Variants in CSMD1 observed in about 807,000 individuals in gnomAD.
CSMD1 encodes the protein CUB and sushi domain-containing protein 1.
CSMD1 carries 213 observed loss-of-function variants against 417.5 expected under a neutral mutation model. The ratio of observed to expected loss-of-function variants is 0.51; its 90% CI spans 0.46 to 0.57. The LOEUF is 0.57. Among genes scored for constraint, CSMD1 ranks in the 20% least tolerant of loss-of-function variants. The pLI, the probability that CSMD1 is intolerant of heterozygous loss-of-function variation, is 0.00. For missense variants in CSMD1, 6,923 were observed against 4,529.7 expected (o/e 1.53, Z -15.17); for synonymous variants, 2,862 against 1,736.8 (o/e 1.65, Z -16.11).
intron 12 of CSMD1, among the ~76,000 whole-genome samples, chr8:3,423,119 A>G (rs1305606251): frequency 5.3e-5 from 8 of 152,226 alleles, no homozygotes; most frequent in Non-Finnish European, 1.0e-4. Context: ...ATTATTACTC[A>G]TCATAGTTCA....
intron 2 of CSMD1, among the ~76,000 whole-genome samples, chr8:4,628,224 T>G (rs569480057): frequency 8.5e-4 from 129 of 151,534 alleles, no homozygotes; most frequent in Non-Finnish European, 1.3e-3. Flanking sequence ...GTTCTAAAAG[T>G]GCATCTTATA....
intron 5 of CSMD1, among the ~76,000 whole-genome samples, chr8:3,796,639 T>C (rs1209418350): frequency 2.0e-5 from 3 of 149,174 alleles, no homozygotes; most frequent in Admixed American, 6.7e-5. Context: ...TTCTAATGTA[T>C]AGATATAGAT....
At chr8:3,680,717 C>G (rs551627868) in intron 7 of CSMD1, among the ~76,000 whole-genome samples, 1 of 152,120 alleles carries the variant, frequency 6.6e-6, no homozygotes. Flanking sequence ...ATACCAAAGC[C>G]GGGCAGAGAC....
intron 3 of CSMD1, among the ~76,000 whole-genome samples, chr8:4,338,327 G>A (rs1302618710): frequency 6.6e-6 from 1 of 152,116 alleles, no homozygotes; most frequent in Non-Finnish European, 1.5e-5. Flanking sequence ...TACCTCGTAT[G>A]TGATCTGTTC....
At chr8:3,503,833 G>GCC (rs1265240238) in intron 10 of CSMD1, among the ~76,000 whole-genome samples, 1 of 69,658 alleles carries the variant, frequency 1.4e-5, no homozygotes, top group Non-Finnish European at 3.3e-5. Context: ...ATCCCCCCTT[G>GCC]CCCCCCCCCA....
intron 3 of CSMD1, among the ~76,000 whole-genome samples, chr8:4,410,260 CCATTT>C (rs1796576341): frequency 6.6e-6 from 1 of 152,180 alleles, no homozygotes; most frequent in African/African-American, 2.4e-5. Flanking sequence ...AAGGTAGGTA[CCATTT>C]ATTTTTCATT....
At chr8:4,738,650 T>C (rs911778885) in intron 1 of CSMD1, among the ~76,000 whole-genome samples, 1 of 152,168 alleles carries the variant, frequency 6.6e-6, no homozygotes, top group African/African-American at 2.4e-5. Flanking sequence ...AACAGCATCG[T>C]TTCTGTCATT....
intron 18 of CSMD1, among the ~76,000 whole-genome samples, chr8:3,371,291 G>T (rs923413917): frequency 5.3e-5 from 8 of 152,094 alleles, no homozygotes; most frequent in Admixed American, 5.2e-4. Context: ...TTAGTAACAC[G>T]TGCAAAGTTC....
chr8:4,507,997 A>C (rs1305397294), intron 2 of CSMD1, among the ~76,000 whole-genome samples: 1 of 151,972 alleles, frequency 6.6e-6, no homozygotes, highest in Non-Finnish European at 1.5e-5. Context: ...AACACAGACA[A>C]AACTGAACGT....
At chr8:3,542,066 C>T (rs1366859007) in intron 10 of CSMD1, among the ~76,000 whole-genome samples, 7 of 152,076 alleles carry the variant, frequency 4.6e-5, no homozygotes, top group East Asian at 1.9e-4. Context: ...TATGTGCACC[C>T]GTATTATTTA....
At position 2,992,835 on chromosome 8, in the gene CSMD1, T is replaced by G. The variant is rs140833616; in HGVS notation, c.8377+5176A>C. ...TCACTGTAGCCTTGACCTCCCAGGC[T>G]CAAGGGATCCTCCCTTCTCAGCCTC... On this transcript the variant is annotated intron_variant, in intron 54 of 69. Coordinates refer to ENST00000635120, the MANE Select transcript of CSMD1 (RefSeq NM_033225.6). 6.4e-3 allele frequency among the ~76,000 whole-genome samples: 971 copies of G among 152,244 alleles called. 12 individuals carry two copies. The highest frequency in any genetic ancestry group is 0.02 in the African/African-American group (831 of 41,532).
At chr8:3,769,415 G>A (rs933384435) in intron 5 of CSMD1, among the ~76,000 whole-genome samples, 18 of 126,526 alleles carry the variant, frequency 1.4e-4, no homozygotes, top group African/African-American at 4.4e-4. Context: ...AAAAGAATAT[G>A]TCAGATACAT....
At chr8:3,265,169 C>A (rs1008477303) in intron 26 of CSMD1, among the ~76,000 whole-genome samples, 5 of 152,098 alleles carry the variant, frequency 3.3e-5, no homozygotes, top group Admixed American at 2.0e-4. Flanking sequence ...TTTACACTCT[C>A]ACTAGAACCA....
At chr8:3,302,110 G>A (rs1389267357) in intron 25 of CSMD1, among the ~76,000 whole-genome samples, 1 of 152,122 alleles carries the variant, frequency 6.6e-6, no homozygotes, top group Non-Finnish European at 1.5e-5. Context: ...CCGCCCCTTG[G>A]AGGGAGACAG....
At chr8:4,047,790 T>C (rs1290714535) in intron 3 of CSMD1, among the ~76,000 whole-genome samples, 1 of 152,134 alleles carries the variant, frequency 6.6e-6, no homozygotes, top group African/African-American at 2.4e-5. Flanking sequence ...GAATGCAATT[T>C]TACATTAGGT....
rs1276946504 is a variant in CSMD1, at chr8:3,671,654, G to C, written c.1009+36760C>G. ...TATACCATCTATTTAGGCTTCACAA[G>C]CCTCTGCCTTGCTTTAAGGTGCTGT... On this transcript the variant is annotated intron_variant, in intron 7 of 69. Transcript: ENST00000635120. Among the ~76,000 whole-genome samples, 51 of 146,922 alleles carry C rather than the reference G, an allele frequency of 3.5e-4. 1 individual carries two copies. The highest frequency in any genetic ancestry group is 7.4e-5 in the Non-Finnish European group (5 of 67,122).
intron 5 of CSMD1, among the ~76,000 whole-genome samples, chr8:3,839,321 AT>A (rs1480407269): frequency 4.2e-5 from 5 of 119,856 alleles, no homozygotes; most frequent in African/African-American, 1.7e-4. Flanking sequence ...ATTAATATAT[AT>A]TAATTATATA....
chr8:3,965,426 C>A (rs80003160), intron 5 of CSMD1, among the ~76,000 whole-genome samples: 2,767 of 151,984 alleles, frequency 0.018, 26 homozygotes, highest in Middle Eastern at 0.041. Context: ...TGATGGCCTT[C>A]GGAAAAAGGG....
chr8:4,787,743 G>C (rs940228812), intron 1 of CSMD1: 5 of 1,587,692 alleles, frequency 3.1e-6, no homozygotes, highest in Non-Finnish European at 8.6e-7. Context: ...CTGAGGAACA[G>C]CTGATTGCTG....
Sources: gnomAD v4.1 joint callset for allele counts (sites outside exome capture counted in the v4.1 genomes callset) on GRCh38, gnomAD v4.1.1 for gene constraint, MANE v1.5 for transcripts, NCBI Gene and HGNC (gene_info 2026-07-23, HGNC 2026-07-21) for gene names.